Variants in RYR3 observed in about 807,000 individuals in gnomAD.
RYR3 encodes the protein ryanodine receptor 3.
In RYR3, 207 loss-of-function variants were observed where a neutral mutation model predicts 584.3. The observed-to-expected ratio is 0.35, with a 90% confidence interval of 0.32 to 0.40. The LOEUF (loss-of-function observed/expected upper bound fraction) is 0.40, where lower values mean the gene tolerates loss of function less well. RYR3 is among the 10% of genes least tolerant of loss of function. The pLI, the probability that RYR3 is intolerant of heterozygous loss-of-function variation, is 1.00. For missense variants in RYR3, 5,616 were observed against 6,089.2 expected (o/e 0.92, Z 2.59); for synonymous variants, 2,416 against 2,248.5 (o/e 1.07, Z -2.11).
intron 71 of RYR3, 91 bp downstream of exon 71, chr15:33,810,740 G>T: frequency 6.6e-7 from 1 of 1,514,554 alleles, no homozygotes. Flanking sequence ...TCCTCCCCTG[G>T]GGGGCGGGGA....
intron 67 of RYR3, among the ~76,000 whole-genome samples, chr15:33,793,924 C>CTCTCTATA (rs372089329): frequency 1.2e-4 from 17 of 141,772 alleles, no homozygotes; most frequent in African/African-American, 2.3e-4. Context: ...CACACACACT[C>CTCTCTATA]TATATATATA....
At chr15:33,765,047 A>AG (rs1225941462) in intron 60 of RYR3, among the ~76,000 whole-genome samples, 1 of 151,414 alleles carries the variant, frequency 6.6e-6, no homozygotes, top group Admixed American at 6.6e-5. Context: ...AAAAAAAAAA[A>AG]AAAGACATCA....
chr15:33,324,411 G>A (rs990787784), intron 1 of RYR3, among the ~76,000 whole-genome samples: 9 of 152,212 alleles, frequency 5.9e-5, no homozygotes, highest in Non-Finnish European at 7.4e-5. Context: ...CACTAATGTC[G>A]CCATTTTTAT....
chr15:33,580,237 G>A (rs8023510), intron 13 of RYR3, 93 bp downstream of exon 13: 103,403 of 1,023,606 alleles, frequency 0.1, 8,907 homozygotes, highest in African/African-American at 0.41. Flanking sequence ...CTGCATGCAC[G>A]TGTTTATGAG....
intron 90 of RYR3, 95 bp from the exon 91 acceptor site, chr15:33,841,769 C>T (rs1159681404): frequency 1.5e-5 from 19 of 1,257,464 alleles, no homozygotes; most frequent in South Asian, 7.8e-5. Flanking sequence ...TACCTCCCGG[C>T]CCTCTCAATC....
intron 43 of RYR3, among the ~76,000 whole-genome samples, chr15:33,708,059 T>C (rs963115847): frequency 6.6e-6 from 1 of 152,192 alleles, no homozygotes; most frequent in Non-Finnish European, 1.5e-5. Context: ...CTCTCTCTGC[T>C]TCTCTCTGCG....
intron 12 of RYR3, among the ~76,000 whole-genome samples, chr15:33,569,184 A>G (rs1447151443): frequency 6.6e-5 from 10 of 152,238 alleles, no homozygotes. Context: ...GTTTTCAGAT[A>G]TGGTTTCCAT....
intron 3 of RYR3, among the ~76,000 whole-genome samples, chr15:33,512,494 T>C (rs1179276612): frequency 6.6e-6 from 1 of 152,226 alleles, no homozygotes; most frequent in African/African-American, 2.4e-5. Context: ...TTATTGAATA[T>C]AGTGCTTCAG....
intron 78 of RYR3, 72 bp from the exon 79 acceptor site, chr15:33,821,198 C>A: frequency 8.2e-7 from 1 of 1,216,996 alleles, no homozygotes; most frequent in Non-Finnish European, 1.2e-6. Flanking sequence ...AATTCTCTCT[C>A]ACCTCACTAT....
chr15:33,808,512 A>T (rs2076327789), intron 70 of RYR3, among the ~76,000 whole-genome samples: 1 of 152,256 alleles, frequency 6.6e-6, no homozygotes, highest in South Asian at 2.1e-4. Flanking sequence ...ATTCGATTGC[A>T]TACTGTGTAT....
At chr15:33,624,102 G>T in intron 20 of RYR3, 79 bp downstream of exon 20, 1 of 1,008,118 alleles carries the variant, frequency 9.9e-7, no homozygotes, top group South Asian at 1.5e-5. Context: ...TCTTGTTTTT[G>T]AACCTTTCTT....
At chr15:33,389,791 A>G (rs2041875448) in intron 1 of RYR3, among the ~76,000 whole-genome samples, 1 of 152,160 alleles carries the variant, frequency 6.6e-6, no homozygotes, top group South Asian at 2.1e-4. Flanking sequence ...GCAAACTTTT[A>G]TTTAATATCT....
chr15:33,532,141 A>T (rs1167259682), intron 4 of RYR3, among the ~76,000 whole-genome samples: 1 of 152,144 alleles, frequency 6.6e-6, no homozygotes, highest in Non-Finnish European at 1.5e-5. Flanking sequence ...TCTCGCAGAG[A>T]AGTAGAACTG....
At position 33,853,064 on chromosome 15, in the gene RYR3, T is replaced by C; in HGVS notation, c.13648T>C (p.Trp4550Arg). ...INTPSFPNNY[W>R]DKFVKRKVIN... is the part of the protein sequence containing the mutation. The stretch of plus-strand genomic sequence containing the variant: ...TTTCAGATCTTTTCCTAATAACTAC[T>C]GGGACAAGTTTGTAAAGAGAAAGGT... Residue 4550 changes from tryptophan to arginine, a missense_variant, in exon 95 of 104, where the codon TGG (tryptophan) becomes CGG (arginine). Physicochemically the swap from Trp to Arg is moderately radical, Grantham distance 101. Transcript: ENST00000634891. 6.2e-7 allele frequency: 1 copy of C among 1,604,734 alleles called. No individual in the cohort carries two copies. Among genetic ancestry groups the C allele is most frequent in the Non-Finnish European group, 8.5e-7 (1 of 1,176,696 alleles).
In RYR3 at chr15:33,412,848, A is replaced by G. The variant is rs1241487408; in HGVS notation, c.52-60571A>G. 2.6e-5 allele frequency among the ~76,000 whole-genome samples: 4 copies of G among 152,166 alleles called. No homozygotes were observed. Among genetic ancestry groups the G allele is most frequent in the Non-Finnish European group, 5.9e-5 (4 of 68,024 alleles). On this transcript the variant is annotated intron_variant, in intron 1 of 103. Coordinates refer to ENST00000634891, the MANE Select transcript of RYR3 (RefSeq NM_001036.6). The surrounding 1 kb of genome is among the most constrained non-coding windows in gnomAD (Gnocchi z 4.3). ...AGTTTGTATGCATTTGTGTCATGCA[A>G]AGGAGGAGGAAAACCAGTCTTCCTG...
chr15:33,648,539 C>G (rs2062240849), intron 30 of RYR3, among the ~76,000 whole-genome samples: 1 of 152,214 alleles, frequency 6.6e-6, no homozygotes. Context: ...ACACAGAGCA[C>G]ATTTGGCCAT....
chr15:33,588,079 G>A (rs1406877501), intron 16 of RYR3, among the ~76,000 whole-genome samples: 3 of 152,216 alleles, frequency 2.0e-5, no homozygotes, highest in South Asian at 2.1e-4. Flanking sequence ...AGCAACAACA[G>A]TAATGATAAC....
intron 3 of RYR3, among the ~76,000 whole-genome samples, chr15:33,508,760 G>A (rs144580753): frequency 6.0e-4 from 91 of 152,290 alleles, no homozygotes; most frequent in African/African-American, 2.1e-3. Flanking sequence ...TCATCTCCCC[G>A]TATTACTTGT....
At chr15:33,352,638 C>T (rs747321525) in intron 1 of RYR3, among the ~76,000 whole-genome samples, 3 of 152,196 alleles carry the variant, frequency 2.0e-5, no homozygotes, top group African/African-American at 7.2e-5. Flanking sequence ...CTCTGTGCTG[C>T]AGTTACTTTG....
Sources: gnomAD v4.1 joint callset for allele counts (sites outside exome capture counted in the v4.1 genomes callset) on GRCh38, gnomAD v4.1.1 for gene constraint, Gnocchi (gnomAD v3.1) non-coding constraint, MANE v1.5 for transcripts, NCBI Gene and HGNC (gene_info 2026-07-23, HGNC 2026-07-21) for gene names.